Variants in ZNF599 observed in about 807,000 individuals in gnomAD.
ZNF599 encodes the protein zinc finger protein 599.
A neutral mutation model predicts 11.7 loss-of-function variants in ZNF599; 10 were observed. The ratio of observed to expected loss-of-function variants is 0.86; its 90% CI spans 0.53 to 1.45. The LOEUF (loss-of-function observed/expected upper bound fraction) is 1.45. Ranked by LOEUF, ZNF599 falls within the 40% of genes most tolerant of loss-of-function variation. ZNF599 has a pLI of 0.00. For synonymous variants in ZNF599, 232 were observed against 253.2 expected, an observed-to-expected ratio of 0.92 and a Z score of 0.79; for missense variants, 688 against 713.6, an observed-to-expected ratio of 0.96 and a Z score of 0.41.
the ZNF599 span, among the ~76,000 whole-genome samples, chr19:34,785,285 C>A: frequency 4.6e-5 from 7 of 152,140 alleles, no homozygotes; most frequent in Non-Finnish European, 8.8e-5. Context: ...GCTTCCATAT[C>A]CATTTTGGTT....
At chr19:34,767,215 T>C in intron 3 of ZNF599, 101 bp downstream of exon 3, 1 of 877,182 alleles carries the variant, frequency 1.1e-6, no homozygotes, top group Non-Finnish European at 1.8e-6. Context: ...CCATGACTGC[T>C]CAAGACCACA....
upstream of ZNF599, among the ~76,000 whole-genome samples, chr19:34,777,865 T>C (rs2145474543): frequency 6.6e-6 from 1 of 152,068 alleles, no homozygotes; most frequent in East Asian, 1.9e-4. Flanking sequence ...AGTTTCAGTA[T>C]GCAAAGTGAA....
Position 34,767,226 on chromosome 19 carries a change from A to C in ZNF599, c.241+90T>G, listed in dbSNP as rs1221045524. ...GGCTCCATGACTGCTCAAGACCACA[A>C]AATAGCTGCCCATGGCATTTCAGAC... On this transcript the variant is annotated intron_variant, in intron 3 of 3. Coordinates refer to ENST00000329285, the MANE Select transcript of ZNF599 (RefSeq NM_001007248.3). The C allele has an allele frequency of 1.1e-5, 11 of 1,023,250 alleles. 1 individual carries two copies. In the South Asian group the frequency reaches 1.5e-4, roughly 14 times the overall value. The allele number at this position is 1,023,250 out of a possible 1,614,324, so 63.4% of individuals were successfully genotyped here. A position where few individuals can be genotyped will look rare whatever the true frequency, so the allele number is the denominator to read the frequency against.
intron 1 of ZNF599, among the ~76,000 whole-genome samples, chr19:34,771,168 G>C (rs1176270970): frequency 6.6e-6 from 1 of 152,150 alleles, no homozygotes; most frequent in African/African-American, 2.4e-5. Flanking sequence ...TAGCTACTCA[G>C]GAGGCTCAGT....
intron 2 of ZNF599, among the ~76,000 whole-genome samples, chr19:34,768,370 C>T (rs1302277654): frequency 6.6e-6 from 1 of 152,180 alleles, no homozygotes; most frequent in Non-Finnish European, 1.5e-5. Context: ...TAAAATAACA[C>T]CACGTTTACT....
chr19:34,779,472 C>T, the ZNF599 span: 1 of 456,640 alleles, frequency 2.2e-6, no homozygotes, highest in South Asian at 1.6e-5. Flanking sequence ...TTTACTGAGG[C>T]TGGGGCTTTG....
At chr19:34,796,874 A>G in the ZNF599 span, among the ~76,000 whole-genome samples, 4 of 152,198 alleles carry the variant, frequency 2.6e-5, no homozygotes, top group African/African-American at 9.7e-5. Flanking sequence ...GGCTATGGGT[A>G]GGAGAGGCCC....
At chr19:34,795,427 A>G in the ZNF599 span, among the ~76,000 whole-genome samples, 1 of 152,064 alleles carries the variant, frequency 6.6e-6, no homozygotes, top group Non-Finnish European at 1.5e-5. Flanking sequence ...GGCGCACACT[A>G]CCCTGCCCAG....
chr19:34,773,194 G>A lies in ZNF599; in HGVS notation c.-353C>T, dbSNP rs533260293. On this transcript the variant is annotated 5_prime_UTR_variant, in exon 1 of 4. Coordinates refer to ENST00000329285, the MANE Select transcript of ZNF599 (RefSeq NM_001007248.3). ...GCAACCACAGCAGCCGCAACCTAAC[G>A]GCGGACGAAGACTGGACGCCGGAAG... is the stretch of plus-strand genomic sequence containing the variant. 5.4e-5 allele frequency: 16 copies of A among 294,634 alleles called. No homozygotes were observed. The highest frequency in any genetic ancestry group is 8.9e-4 in the Middle Eastern group (1 of 1,128). The allele number at this position is 294,634 out of a possible 1,614,324, so 18.3% of individuals were successfully genotyped here.
the ZNF599 span, among the ~76,000 whole-genome samples, chr19:34,778,912 G>C: frequency 6.6e-6 from 1 of 151,838 alleles, no homozygotes; most frequent in Non-Finnish European, 1.5e-5. Flanking sequence ...ATATATGGGT[G>C]GCAAAAAAAC....
At chr19:34,801,986 G>C in the ZNF599 span, among the ~76,000 whole-genome samples, 1 of 152,318 alleles carries the variant, frequency 6.6e-6, no homozygotes, top group East Asian at 1.9e-4. Flanking sequence ...TATCACAGGG[G>C]TGGGCTTTCT....
chr19:34,788,613 A>G, the ZNF599 span: 1 of 152,238 alleles, frequency 6.6e-6, no homozygotes, highest in Non-Finnish European at 1.5e-5. Context: ...GATGACAAAA[A>G]GTGATACCAG....
chr19:34,759,711 C>A lies in ZNF599; in HGVS notation c.1090G>T (p.Glu364Ter), dbSNP rs555634113. The stretch of plus-strand genomic sequence containing the variant: ...CATTCTTTACATAAAAATGGTTTTT[C>A]TCCTGTGTGGGTCACATTGTGCTGG... Reference protein sequence around the residue: ...FIQHNVTHTGEKPFLCKECGK... With the variant: ...FIQHNVTHTG The change falls in exon 4 of 4, where the codon GAA (glutamate) becomes TAA (stop). Residue 364 changes from glutamate (E) to a stop codon, truncating the protein, a stop_gained. Transcript: ENST00000329285. LOFTEE classifies it low-confidence loss of function (END_TRUNC). 7 of 1,614,116 alleles carry A rather than the reference C, an allele frequency of 4.3e-6. No homozygotes were observed. The highest frequency in any genetic ancestry group is 5.9e-6 in the Non-Finnish European group (7 of 1,180,020).
At chr19:34,772,064 C>A (rs1476115257) in intron 1 of ZNF599, among the ~76,000 whole-genome samples, 1 of 152,144 alleles carries the variant, frequency 6.6e-6, no homozygotes, top group Non-Finnish European at 1.5e-5. Context: ...ATCAGAGCTA[C>A]GAGGAGTAAA....
chr19:34,798,686 C>T, the ZNF599 span, among the ~76,000 whole-genome samples: 1 of 152,210 alleles, frequency 6.6e-6, no homozygotes, highest in South Asian at 2.1e-4. Flanking sequence ...AGCACCTTTC[C>T]CTCTACTCCC....
the ZNF599 span, among the ~76,000 whole-genome samples, chr19:34,800,003 G>A: frequency 6.6e-6 from 1 of 152,176 alleles, no homozygotes; most frequent in African/African-American, 2.4e-5. Context: ...CTAATGTCTT[G>A]TTAATGTCTT....
the ZNF599 span, among the ~76,000 whole-genome samples, chr19:34,795,425 C>G: frequency 2.0e-5 from 3 of 152,176 alleles, no homozygotes; most frequent in South Asian, 2.1e-4. Flanking sequence ...CAGGCGCACA[C>G]TACCCTGCCC....
the ZNF599 span, among the ~76,000 whole-genome samples, chr19:34,804,723 C>T: frequency 6.6e-6 from 1 of 152,188 alleles, no homozygotes; most frequent in Non-Finnish European, 1.5e-5. Flanking sequence ...CTACTAACTT[C>T]TCCTTCATTT....
intron 2 of ZNF599, among the ~76,000 whole-genome samples, chr19:34,768,556 T>C (rs2069160172): frequency 6.6e-6 from 1 of 152,242 alleles, no homozygotes; most frequent in Non-Finnish European, 1.5e-5. Flanking sequence ...TATTTATTAA[T>C]TTGTTAAATG....
Sources: gnomAD v4.1 joint callset for allele counts (sites outside exome capture counted in the v4.1 genomes callset) on GRCh38, gnomAD v4.1.1 for gene constraint, MANE v1.5 for transcripts, NCBI Gene and HGNC (gene_info 2026-07-23, HGNC 2026-07-21) for gene names.